The following TBC1D9B variants were observed in gnomAD, a reference collection of about 807,000 sequenced individuals.
The protein encoded by TBC1D9B is TBC1 domain family member 9B, also known as TBC1 domain family, member 9B (with GRAM domain).
In TBC1D9B, 87 loss-of-function variants were observed where a neutral mutation model predicts 121.1. That is an observed-to-expected ratio of 0.72 (90% CI 0.60 to 0.86). The LOEUF is 0.86. Ranked by LOEUF, TBC1D9B falls within the 40% of genes least tolerant of loss-of-function variation. TBC1D9B has a pLI of 0.00. For synonymous variants in TBC1D9B, 668 were observed against 670.1 expected (o/e 1.00, Z 0.05); for missense variants, 1,540 against 1,628.6 (o/e 0.95, Z 0.94).
chr5:179,885,187 TA>T lies in TBC1D9B; in HGVS notation c.1254+2915del, dbSNP rs1456628939. Among the ~76,000 whole-genome samples, 1 of 152,194 alleles carries T rather than the reference TA, an allele frequency of 6.6e-6. No individual in the cohort carries two copies. Among genetic ancestry groups the T allele is most frequent in the Non-Finnish European group, 1.5e-5 (1 of 68,024 alleles). ...ACAAATGTAATTGTAAATTTTCTAG[TA>T]GCCACATTGTAAAGTCCTAAAGTAA... On this transcript the variant is annotated intron_variant, in intron 7 of 20. Coordinates refer to ENST00000355235, the MANE Select transcript of TBC1D9B (RefSeq NM_015043.4). This position sits in a 1 kb window ranked among gnomAD's most constrained non-coding sequence, Gnocchi z 4.5.
chr5:179,870,337 A>G lies in TBC1D9B; in HGVS notation c.2643T>C (p.Pro881=). 6.2e-7 allele frequency: 1 copy of G among 1,613,862 alleles called. No individual in the cohort carries two copies. The change falls in exon 16 of 21, where the codon CCT becomes CCC. Residue 881 remains proline, a synonymous_variant. Transcript: ENST00000355235. ...GCCTGAACATGCGCCCTGCCAGCAG[A>G]GGTGTGTGGGAGCCACAGGCCCAGG... is the stretch of plus-strand genomic sequence containing the variant. ...LTPWACGSHT[P]LLAGRMFRLL...
In TBC1D9B at chr5:179,891,573, G is replaced by A. The variant is rs1760866794; in HGVS notation, c.850C>T (p.Arg284Ter). 5 of 1,613,134 alleles carry A rather than the reference G, an allele frequency of 3.1e-6. No homozygotes were observed. Among genetic ancestry groups the A allele is most frequent in the Non-Finnish European group, 3.4e-6 (4 of 1,179,930 alleles). Residue 284 changes from arginine to a stop codon, truncating the protein, a stop_gained, in exon 6 of 21, where the codon CGA (arginine) becomes TGA (stop). Transcript: ENST00000355235. LOFTEE classifies it high-confidence loss of function. This position sits in a 1 kb window ranked among gnomAD's most constrained non-coding sequence, Gnocchi z 4.3. Reference protein sequence around the residue: ...ISALKRDLDARAKNECYRATF... With the variant: ...ISALKRDLDA ...GCTCGGTAGCACTCATTCTTGGCTC[G>A]GGCGTCCAGGTCTCTGGGGAAACAA...
At chr5:179,883,018 C>T (rs1383054692) in intron 7 of TBC1D9B, among the ~76,000 whole-genome samples, 2 of 152,114 alleles carry the variant, frequency 1.3e-5, no homozygotes, top group Admixed American at 6.5e-5. Flanking sequence ...GCCACTATAC[C>T]TAGCTTAGTT....
intron 3 of TBC1D9B, among the ~76,000 whole-genome samples, chr5:179,898,527 C>A (rs1761077138): frequency 6.6e-6 from 1 of 151,932 alleles, no homozygotes; most frequent in African/African-American, 2.4e-5. Flanking sequence ...CAGCTCACTG[C>A]AACCTCGGCC....
chr5:179,877,379 C>G (rs1760389840), intron 10 of TBC1D9B, among the ~76,000 whole-genome samples: 1 of 151,254 alleles, frequency 6.6e-6, no homozygotes, highest in Admixed American at 6.6e-5. Context: ...AATAGAAATA[C>G]TGGCCAGGCA....
At chr5:179,897,721 G>A (rs1195102876) in intron 3 of TBC1D9B, among the ~76,000 whole-genome samples, 1 of 152,224 alleles carries the variant, frequency 6.6e-6, no homozygotes, top group African/African-American at 2.4e-5. Flanking sequence ...CATATAGGAG[G>A]CAGTGAATAA....
chr5:179,907,566 C>G lies in TBC1D9B; in HGVS notation c.118+138G>C. Reference sequence around the variant, plus strand: ...CCGGGTCCTGGCCTCGCGCCCCCGCCCCGCCGCGCGCTGGCGTGCGTGTCC... The same window carrying G: ...CCGGGTCCTGGCCTCGCGCCCCCGCGCCGCCGCGCGCTGGCGTGCGTGTCC... On this transcript the variant is annotated intron_variant, in intron 1 of 20. Coordinates refer to ENST00000355235, the MANE Select transcript of TBC1D9B (RefSeq NM_015043.4). This position sits in a 1 kb window ranked among gnomAD's most constrained non-coding sequence, Gnocchi z 5.3. 1 of 350,214 alleles carries G rather than the reference C, an allele frequency of 2.9e-6. No individual in the cohort carries two copies. Among genetic ancestry groups the G allele is most frequent in the Non-Finnish European group, 4.0e-6 (1 of 251,434 alleles). 21.7% of individuals were successfully genotyped at this position (350,214 alleles called of 1,614,324 possible). A position where few individuals can be genotyped will look rare whatever the true frequency, so the allele number is the denominator to read the frequency against.
chr5:179,892,473 G>C (rs27410), intron 5 of TBC1D9B, among the ~76,000 whole-genome samples: 64,542 of 152,154 alleles, frequency 0.42, 14,687 homozygotes, highest in East Asian at 0.77. Context: ...GTGGGACCCA[G>C]GGAACCTCAG....
chr5:179,878,640 G>C, intron 9 of TBC1D9B, 117 bp from the exon 10 acceptor site: 1 of 1,011,434 alleles, frequency 9.9e-7, no homozygotes, highest in Non-Finnish European at 1.5e-6. Flanking sequence ...TTGGGGTCAA[G>C]CACAAGCTGC....
chr5:179,883,623 T>G (rs978145854), intron 7 of TBC1D9B, among the ~76,000 whole-genome samples: 1 of 152,194 alleles, frequency 6.6e-6, no homozygotes, highest in South Asian at 2.1e-4. Flanking sequence ...TTTTTAAACA[T>G]TTTTAATTTA....
In TBC1D9B at chr5:179,907,773, T is replaced by TC; in HGVS notation, c.48dup (p.Thr17AspfsTer77). On this transcript the variant is annotated frameshift_variant, in exon 1 of 21. Coordinates refer to ENST00000355235, the MANE Select transcript of TBC1D9B (RefSeq NM_015043.4). LOFTEE classifies it high-confidence loss of function. The surrounding 1 kb of genome is among the most constrained non-coding windows in gnomAD (Gnocchi z 5.3). ...ACGAAGAAGGGGTTGGCCCGCTCCGTCACCCACAGCGCATTGGCCACCAGC... is the reference window on the plus strand; with the variant it reads ...ACGAAGAAGGGGTTGGCCCGCTCCGTCCACCCACAGCGCATTGGCCACCAGC... The TC allele has an allele frequency of 2.4e-6, 3 of 1,229,218 alleles. No individual in the cohort carries two copies. Among genetic ancestry groups the TC allele is most frequent in the Non-Finnish European group, 3.1e-6 (3 of 957,398 alleles). The allele number at this position is 1,229,218 out of a possible 1,614,324, so 76.1% of individuals were successfully genotyped here.
chr5:179,892,134 G>A (rs1156544259), intron 5 of TBC1D9B, among the ~76,000 whole-genome samples: 2 of 152,232 alleles, frequency 1.3e-5, no homozygotes, highest in East Asian at 3.8e-4. Flanking sequence ...CCCTTTGGTG[G>A]CTCTGTCCAC....
In TBC1D9B at chr5:179,894,377, C is replaced by A. The variant is rs368344854; in HGVS notation, c.577+9G>T. 1.9e-6 allele frequency: 3 copies of A among 1,604,606 alleles called. No individual in the cohort carries two copies. The highest frequency in any genetic ancestry group is 2.2e-5 in the East Asian group (1 of 44,574). ...GTGGGGGCTGGGGCACACTGAGGGG[C>A]GGGCTCACCTTCCTTCCCCAGCAGG... On this transcript the variant is annotated intron_variant, in intron 4 of 20. Transcript: ENST00000355235.
chr5:179,867,274 G>T, intron 18 of TBC1D9B: 1 of 713,230 alleles, frequency 1.4e-6, no homozygotes, highest in Non-Finnish European at 2.3e-6. Flanking sequence ...ACCTACAGCA[G>T]ACACGGAGGC....
At chr5:179,879,359 T>C (rs911770289) in intron 8 of TBC1D9B, 162 bp from the exon 9 acceptor site, 26 of 1,209,262 alleles carry the variant, frequency 2.2e-5, no homozygotes, top group Non-Finnish European at 2.9e-5. Flanking sequence ...GAGCCACACC[T>C]CCCAAGGCTC....
rs374472994 is a variant in TBC1D9B at position 179,904,256 on chromosome 5, G to C, written c.229+446C>G. 4.0e-3 allele frequency among the ~76,000 whole-genome samples: 504 copies of C among 125,340 alleles called. 3 individuals carry two copies. The highest frequency in any genetic ancestry group is 4.3e-3 in the Non-Finnish European group (277 of 64,372). 82.2% of individuals were successfully genotyped at this position (125,340 alleles called of 152,430 possible). A position where few individuals can be genotyped will look rare whatever the true frequency, so the allele number is the denominator to read the frequency against. Reference sequence around the variant, plus strand: ...TTTTTTTTTTTTGAGACGGAATCTCGCTGTGTCGCCCAGGCTGGAGTGCAG... The same window carrying C: ...TTTTTTTTTTTTGAGACGGAATCTCCCTGTGTCGCCCAGGCTGGAGTGCAG... On this transcript the variant is annotated intron_variant, in intron 2 of 20. Transcript: ENST00000355235. This position sits in a 1 kb window ranked among gnomAD's most constrained non-coding sequence, Gnocchi z 4.2.
intron 2 of TBC1D9B, among the ~76,000 whole-genome samples, chr5:179,899,525 C>T (rs1342856461): frequency 1.3e-5 from 2 of 152,184 alleles, no homozygotes; most frequent in African/African-American, 4.8e-5. Context: ...CAGGCTGAAT[C>T]ACAGTCGTGT....
At chr5:179,900,323 T>C (rs1761132329) in intron 2 of TBC1D9B, among the ~76,000 whole-genome samples, 1 of 152,172 alleles carries the variant, frequency 6.6e-6, no homozygotes, top group Non-Finnish European at 1.5e-5. Context: ...AGCAAAGGGA[T>C]GAGGGGAGAT....
intron 1 of TBC1D9B, among the ~76,000 whole-genome samples, chr5:179,906,851 C>T (rs1451062070): frequency 3.9e-5 from 6 of 152,244 alleles, no homozygotes; most frequent in Admixed American, 6.5e-5. Context: ...ACACTGGGAC[C>T]GCAATCCTGT....
Sources: allele counts gnomAD v4.1 joint callset (sites outside exome capture counted in the v4.1 genomes callset), GRCh38; gene constraint gnomAD v4.1.1; non-coding constraint Gnocchi (gnomAD v3.1); transcripts MANE v1.5; gene names NCBI Gene and HGNC (gene_info 2026-07-23, HGNC 2026-07-21).